The following PDXP variants were observed in gnomAD, a reference collection of about 807,000 sequenced individuals.
PDXP encodes the protein pyridoxal phosphatase.
A neutral mutation model predicts 14.4 loss-of-function variants in PDXP; 15 were observed. The observed-to-expected ratio is 1.04, with a 90% CI of 0.70 to 1.60. The LOEUF is 1.60. Ranked by LOEUF, PDXP falls within the 40% of genes most tolerant of loss-of-function variation. PDXP has a pLI of 0.00. For missense variants in PDXP, 413 were observed against 427.6 expected (o/e 0.97, Z 0.30); for synonymous variants, 233 against 205.6 (o/e 1.13, Z -1.14).
intron 1 of PDXP, among the ~76,000 whole-genome samples, chr22:37,659,669 CCT>C (rs1601595255): frequency 6.6e-6 from 1 of 152,258 alleles, no homozygotes; most frequent in South Asian, 2.1e-4. Flanking sequence ...GGATTGTCCC[CCT>C]GTGTGAGGGT....
At chr22:37,664,966 G>C (rs757292284) in intron 1 of PDXP, 5 of 155,326 alleles carry the variant, frequency 3.2e-5, no homozygotes, top group Non-Finnish European at 7.2e-5. Context: ...TCTGTGCCCC[G>C]CTGTGTTCCA....
chr22:37,665,935 A>T lies in PDXP; in HGVS notation c.*64A>T, dbSNP rs997420721. 1 of 1,477,472 alleles carries T rather than the reference A, an allele frequency of 6.8e-7. No homozygotes were observed. Among genetic ancestry groups the T allele is most frequent in the Non-Finnish European group, 9.3e-7 (1 of 1,076,494 alleles). The allele number at this position is 1,477,472 out of a possible 1,614,324, so 91.5% of individuals were successfully genotyped here. A position where few individuals can be genotyped will look rare whatever the true frequency, so the allele number is the denominator to read the frequency against. On this transcript the variant is annotated 3_prime_UTR_variant, in exon 2 of 2. Transcript: ENST00000215904. ...CTCCCTGATCCCGTAGGTGGAGGCGATGGGTCACGAGCCATGTTAAGCACA... is the reference window on the plus strand; with the variant it reads ...CTCCCTGATCCCGTAGGTGGAGGCGTTGGGTCACGAGCCATGTTAAGCACA...
chr22:37,659,047 G>T lies in PDXP; in HGVS notation c.265G>T (p.Ala89Ser). ...GCGCGCCGAGCAGCTCTTCAGCTCC[G>T]CGCTGTGCGCCGCGCGCCTGCTGCG... ...GLRAEQLFSS[A>S]LCAARLLRQR... is the part of the protein sequence containing the mutation. The change falls in exon 1 of 2, where the codon GCG (alanine) becomes TCG (serine). Residue 89 changes from alanine (A) to serine (S), a missense_variant. Transcript: ENST00000215904. 2.6e-6 allele frequency: 3 copies of T among 1,139,698 alleles called. No homozygotes were observed. The highest frequency in any genetic ancestry group is 1.1e-6 in the Non-Finnish European group (1 of 929,170). The allele number at this position is 1,139,698 out of a possible 1,614,324, so 70.6% of individuals were successfully genotyped here. A position where few individuals can be genotyped will look rare whatever the true frequency, so the allele number is the denominator to read the frequency against.
chr22:37,666,223 T>C lies in PDXP; in HGVS notation c.*352T>C. ...TAGTCTTCTCCCCCTTCCCTGGGGC[T>C]TCTAGAGCTCTCTCTGCCCCTCAGG... On this transcript the variant is annotated 3_prime_UTR_variant, in exon 2 of 2. Coordinates refer to ENST00000215904, the MANE Select transcript of PDXP (RefSeq NM_020315.5). The C allele has an allele frequency of 3.0e-6, 1 of 337,384 alleles. No homozygotes were observed. Among genetic ancestry groups the C allele is most frequent in the East Asian group, 7.0e-5 (1 of 14,290 alleles). 20.9% of individuals were successfully genotyped at this position (337,384 alleles called of 1,614,324 possible).
rs1490757428 is a variant in PDXP at position 37,659,183 on chromosome 22, G to T, written c.401G>T (p.Ser134Ile). Residue 134 changes from serine to isoleucine, a missense_variant, in exon 1 of 2, where the codon AGC becomes ATC. Coordinates refer to ENST00000215904, the MANE Select transcript of PDXP (RefSeq NM_020315.5). ...GGGCTGCGCCTGGCCGGGGACCCGA[G>T]CGCGGGGGACGGCGCGGCCCCGCGC... ...AAGLRLAGDP[S>I]AGDGAAPRVR... The T allele has an allele frequency of 2.3e-5, 27 of 1,192,730 alleles. No homozygotes were observed. The highest frequency in any genetic ancestry group is 2.8e-5 in the Non-Finnish European group (27 of 962,710). The allele number at this position is 1,192,730 out of a possible 1,614,324, so 73.9% of individuals were successfully genotyped here.
intron 1 of PDXP, among the ~76,000 whole-genome samples, chr22:37,660,948 G>C (rs545254786): frequency 6.6e-6 from 1 of 152,138 alleles, no homozygotes; most frequent in Non-Finnish European, 1.5e-5. Flanking sequence ...GTATGTGGGC[G>C]GGCTCACCTC....
Position 37,658,790 on chromosome 22 carries a change from G to T in PDXP, c.8G>T (p.Arg3Leu), listed in dbSNP as rs1268790560. 6 of 1,174,038 alleles carry T rather than the reference G, an allele frequency of 5.1e-6. No homozygotes were observed. Among genetic ancestry groups the T allele is most frequent in the Non-Finnish European group, 6.3e-6 (6 of 950,776 alleles). 72.7% of individuals were successfully genotyped at this position (1,174,038 alleles called of 1,614,324 possible). A position where few individuals can be genotyped will look rare whatever the true frequency, so the allele number is the denominator to read the frequency against. MARCERLRGAALR... is the reference protein window; with the variant it reads MALCERLRGAALR... ...CGGCGGCCGGCCGGCTGCATGGCGC[G>T]CTGCGAGAGGCTGCGCGGAGCGGCC... is the stretch of plus-strand genomic sequence containing the variant. Residue 3 changes from arginine to leucine, a missense_variant, in exon 1 of 2, where the codon CGC (arginine) becomes CTC (leucine). Arg to Leu is a moderately radical substitution (Grantham distance 102). Transcript: ENST00000215904.
chr22:37,663,253 G>A (rs1390342668), intron 1 of PDXP, among the ~76,000 whole-genome samples: 4 of 148,812 alleles, frequency 2.7e-5, no homozygotes, highest in South Asian at 2.1e-4. Flanking sequence ...GCAGTGAGCC[G>A]AGATGACGCC....
rs886283298 is a variant in PDXP at position 37,659,340 on chromosome 22, C to T, written c.558C>T (p.Asp186=). 1 of 1,300,778 alleles carries T rather than the reference C, an allele frequency of 7.7e-7. No homozygotes were observed. Among genetic ancestry groups the T allele is most frequent in the South Asian group, 2.9e-5 (1 of 34,314 alleles). The allele number at this position is 1,300,778 out of a possible 1,614,324, so 80.6% of individuals were successfully genotyped here. ...GTGACCCATGGCACCCGCTGAGCGACGGCAGCCGGACCCCTGGTGAGCGCG... is the reference window on the plus strand; with the variant it reads ...GTGACCCATGGCACCCGCTGAGCGATGGCAGCCGGACCCCTGGTGAGCGCG... ...TDRDPWHPLS[D]GSRTPGTGSL... Residue 186 remains aspartate (D), a synonymous_variant, in exon 1 of 2, where the codon GAC becomes GAT. Transcript: ENST00000215904.
At position 37,659,272 on chromosome 22, in the gene PDXP, G is replaced by A; in HGVS notation, c.490G>A (p.Ala164Thr). The A allele has an allele frequency of 7.6e-7, 1 of 1,317,672 alleles. No homozygotes were observed. The allele number at this position is 1,317,672 out of a possible 1,614,324, so 81.6% of individuals were successfully genotyped here. The change falls in exon 1 of 2, where the codon GCG becomes ACG. Residue 164 changes from alanine to threonine, a missense_variant. Ala to Thr is a moderately conservative substitution (Grantham distance 58). Transcript: ENST00000215904. ...CTTCGCCAAGCTGAGGGAGGCGTGC[G>A]CGCACCTGCGCGACCCCGAGTGCCT... ...FSFAKLREAC[A>T]HLRDPECLLV...
At chr22:37,659,416 C>G in intron 1 of PDXP, 60 bp downstream of exon 1, 1 of 1,207,980 alleles carries the variant, frequency 8.3e-7, no homozygotes, top group East Asian at 2.9e-5. Context: ...CGCCTCCACG[C>G]CTAAGGGTGA....
intron 1 of PDXP, among the ~76,000 whole-genome samples, chr22:37,664,066 G>T (rs1330864956): frequency 2.6e-5 from 4 of 151,454 alleles, no homozygotes; most frequent in Non-Finnish European, 5.9e-5. Context: ...AAATAGCTGG[G>T]ATTACAGGCA....
At chr22:37,662,754 G>A (rs527531524) in intron 1 of PDXP, among the ~76,000 whole-genome samples, 96 of 152,212 alleles carry the variant, frequency 6.3e-4, no homozygotes, top group African/African-American at 2.1e-3. Flanking sequence ...TTGGGAGGCC[G>A]AGGCAGGTGG....
intron 1 of PDXP, among the ~76,000 whole-genome samples, chr22:37,663,112 A>T (rs189551509): frequency 2.0e-5 from 3 of 152,010 alleles, no homozygotes; most frequent in East Asian, 3.9e-4. Flanking sequence ...CATCCTGGCT[A>T]ACACAGTGAA....
chr22:37,662,790 C>A (rs1933229512), intron 1 of PDXP, among the ~76,000 whole-genome samples: 1 of 150,714 alleles, frequency 6.6e-6, no homozygotes, highest in Admixed American at 6.6e-5. Flanking sequence ...GAGTTCGAGA[C>A]CACCCTGGCC....
At chr22:37,665,475 C>T (rs934447191) in intron 1 of PDXP, 80 bp from the exon 2 acceptor site, 6 of 1,174,040 alleles carry the variant, frequency 5.1e-6, no homozygotes, top group African/African-American at 4.6e-5. Flanking sequence ...TGGCACAATC[C>T]ACCTCCCTGG....
At chr22:37,661,399 A>T (rs1933200367) in intron 1 of PDXP, among the ~76,000 whole-genome samples, 1 of 150,934 alleles carries the variant, frequency 6.6e-6, no homozygotes, top group Non-Finnish European at 1.5e-5. Context: ...AGCCCCCATG[A>T]TGTGTATGTC....
At position 37,659,013 on chromosome 22, in the gene PDXP, C is replaced by CG; in HGVS notation, c.237dup (p.Leu80AlafsTer100). ...CCCTGCGCTTCGCGCGCCTCGGCTT[C>CG]GGGGGGCTGCGCGCCGAGCAGCTCT... On this transcript the variant is annotated frameshift_variant, in exon 1 of 2. Coordinates refer to ENST00000215904, the MANE Select transcript of PDXP (RefSeq NM_020315.5). LOFTEE classifies it high-confidence loss of function. 5.1e-6 allele frequency: 6 copies of CG among 1,187,082 alleles called. No homozygotes were observed. The highest frequency in any genetic ancestry group is 6.3e-6 in the Non-Finnish European group (6 of 956,146). The allele number at this position is 1,187,082 out of a possible 1,614,324, so 73.5% of individuals were successfully genotyped here. A position where few individuals can be genotyped will look rare whatever the true frequency, so the allele number is the denominator to read the frequency against.
intron 1 of PDXP, among the ~76,000 whole-genome samples, chr22:37,663,324 T>C (rs965478098): frequency 6.9e-6 from 1 of 145,226 alleles, no homozygotes; most frequent in Non-Finnish European, 1.5e-5. Flanking sequence ...AAAAAAATCA[T>C]ATAGTTGTAA....
Sources: gnomAD v4.1 joint callset for allele counts (sites outside exome capture counted in the v4.1 genomes callset) on GRCh38, gnomAD v4.1.1 for gene constraint, MANE v1.5 for transcripts, NCBI Gene and HGNC (gene_info 2026-07-23, HGNC 2026-07-21) for gene names.